Variants in TENM2 observed in about 807,000 individuals in gnomAD.
TENM2 encodes the protein teneurin transmembrane protein 2.
Under a neutral mutation model 245.2 loss-of-function variants are expected in TENM2, and 52 were observed. That is an observed-to-expected ratio of 0.21 (90% CI 0.17 to 0.27). The LOEUF is 0.27. TENM2 is among the 10% of genes least tolerant of loss of function. TENM2 has a pLI of 1.00. For synonymous variants in TENM2, 1,363 were observed against 1,438.9 expected, an observed-to-expected ratio of 0.95 and a Z score of 1.19; for missense variants, 3,046 against 3,666.8, an observed-to-expected ratio of 0.83 and a Z score of 4.37.
the TENM2 span, among the ~76,000 whole-genome samples, chr5:167,158,419 T>A: frequency 6.6e-6 from 1 of 152,190 alleles, no homozygotes; most frequent in Non-Finnish European, 1.5e-5. Flanking sequence ...ACCCAGGACA[T>A]ATCCCTAGAT....
intron 5 of TENM2, among the ~76,000 whole-genome samples, chr5:168,031,632 G>C (rs548215350): frequency 6.9e-6 from 1 of 143,970 alleles, no homozygotes; most frequent in East Asian, 2.3e-4. Flanking sequence ...TCGAGTAAGG[G>C]AGAGAGAGAG....
At chr5:167,958,525 T>C (rs1293164690) in intron 4 of TENM2, among the ~76,000 whole-genome samples, 1 of 152,206 alleles carries the variant, frequency 6.6e-6, no homozygotes, top group Non-Finnish European at 1.5e-5. Flanking sequence ...GTCATTATGA[T>C]GCTAGCTGGT....
intron 2 of TENM2, among the ~76,000 whole-genome samples, chr5:167,605,056 T>C (rs1776930841): frequency 6.6e-6 from 1 of 152,142 alleles, no homozygotes; most frequent in African/African-American, 2.4e-5. Context: ...AATGACAAGG[T>C]CATCCCTTGT....
chr5:167,052,701 G>A, the TENM2 span, among the ~76,000 whole-genome samples: 3 of 151,396 alleles, frequency 2.0e-5, no homozygotes, highest in Admixed American at 2.0e-4. Flanking sequence ...TTACAGTGAT[G>A]TTGATGTTAA....
intron 1 of TENM2, among the ~76,000 whole-genome samples, chr5:167,286,721 T>C (rs6884481): frequency 0.9 from 136,229 of 152,194 alleles, 61,351 homozygotes; most frequent in East Asian, 0.98. Context: ...CTTCCTAAGT[T>C]TTATTAAAAG....
the TENM2 span, among the ~76,000 whole-genome samples, chr5:167,167,529 C>G: frequency 6.6e-6 from 1 of 152,192 alleles, no homozygotes; most frequent in African/African-American, 2.4e-5. Flanking sequence ...ACTTTTGCCT[C>G]TTCAGCCACC....
chr5:167,177,978 T>TA, the TENM2 span, among the ~76,000 whole-genome samples: 2 of 152,202 alleles, frequency 1.3e-5, no homozygotes, highest in African/African-American at 4.8e-5. Flanking sequence ...ACATGAATGG[T>TA]AACAGCATGA....
intron 5 of TENM2, among the ~76,000 whole-genome samples, chr5:168,018,873 C>G (rs766785971): frequency 7.2e-5 from 11 of 152,060 alleles, no homozygotes; most frequent in Non-Finnish European, 1.2e-4. Flanking sequence ...AGGAGATCTC[C>G]ATCACACACA....
chr5:167,183,614 C>A, the TENM2 span, among the ~76,000 whole-genome samples: 1 of 152,236 alleles, frequency 6.6e-6, no homozygotes, highest in South Asian at 2.1e-4. Context: ...AACTTGGGGA[C>A]ACACTTTTTC....
chr5:167,386,899 T>G (rs546024439), intron 2 of TENM2, among the ~76,000 whole-genome samples: 26 of 152,328 alleles, frequency 1.7e-4, no homozygotes, highest in African/African-American at 6.0e-4. Context: ...CTGTGTTGTT[T>G]TAGTGACTAT....
At chr5:168,158,923 A>ATATATATG (rs1757496474) in intron 12 of TENM2, among the ~76,000 whole-genome samples, 1 of 145,396 alleles carries the variant, frequency 6.9e-6, no homozygotes, top group African/African-American at 2.5e-5. Flanking sequence ...ATATATACAC[A>ATATATATG]TATATATGTA....
At chr5:166,995,619 C>T in the TENM2 span, among the ~76,000 whole-genome samples, 1 of 151,680 alleles carries the variant, frequency 6.6e-6, no homozygotes, top group East Asian at 2.0e-4. Context: ...AGTTCAAGAC[C>T]AGCCTGGCCA....
In TENM2 at chr5:168,253,208, C is replaced by T. The variant is rs190481034; in HGVS notation, c.7432+4837C>T. ...GTTCTCAATCTCCTGATCTTGTGATCGGCCTGCCTCGGCCTCCCAAAGTGC... is the reference window on the plus strand; with the variant it reads ...GTTCTCAATCTCCTGATCTTGTGATTGGCCTGCCTCGGCCTCCCAAAGTGC... On this transcript the variant is annotated intron_variant, in intron 27 of 28. Coordinates refer to ENST00000518659, the Ensembl canonical transcript of TENM2. Among the ~76,000 whole-genome samples, 460 of 151,926 alleles carry T rather than the reference C, an allele frequency of 3.0e-3. 2 individuals carry two copies. Among genetic ancestry groups the T allele is most frequent in the African/African-American group, 0.01 (429 of 41,456 alleles).
chr5:167,036,306 A>G, the TENM2 span, among the ~76,000 whole-genome samples: 2 of 152,324 alleles, frequency 1.3e-5, no homozygotes, highest in East Asian at 1.9e-4. Flanking sequence ...GATCACATAA[A>G]TAAATTTGGA....
At chr5:167,839,625 T>A (rs565241354) in intron 2 of TENM2, among the ~76,000 whole-genome samples, 1 of 152,104 alleles carries the variant, frequency 6.6e-6, no homozygotes, top group South Asian at 2.1e-4. Flanking sequence ...GTGAATGTAA[T>A]GCCCTGTCTT....
intron 9 of TENM2, among the ~76,000 whole-genome samples, chr5:168,115,888 GT>G (rs902081163): frequency 2.0e-5 from 3 of 152,158 alleles, no homozygotes; most frequent in African/African-American, 7.2e-5. Flanking sequence ...ACAAGATGCC[GT>G]GATCAATTAG....
intron 1 of TENM2, among the ~76,000 whole-genome samples, chr5:167,359,344 C>G (rs1759555636): frequency 6.6e-6 from 1 of 152,160 alleles, no homozygotes; most frequent in South Asian, 2.1e-4. Context: ...GCCAGGCATG[C>G]TCCTTCCTGA....
chr5:168,262,588 G>C (rs772026078), exon 29 of TENM2: 18 of 1,575,556 alleles, frequency 1.1e-5, no homozygotes, highest in Non-Finnish European at 1.6e-5. Context: ...AGGCGAGACA[G>C]AGGGCCCTGG....
chr5:168,171,972 G>T (rs562388573), intron 13 of TENM2, among the ~76,000 whole-genome samples: 3 of 152,334 alleles, frequency 2.0e-5, no homozygotes, highest in Admixed American at 6.5e-5. Context: ...GAATAAAGAG[G>T]CAAGGTCCTC....
Sources: gnomAD v4.1 joint callset for allele counts (sites outside exome capture counted in the v4.1 genomes callset) on GRCh38, gnomAD v4.1.1 for gene constraint, MANE v1.5 for transcripts, NCBI Gene and HGNC (gene_info 2026-07-23, HGNC 2026-07-21) for gene names.